Variants in NAGPA observed in about 807,000 individuals in gnomAD.
The protein encoded by NAGPA is alpha-N-acetylglucosaminyl phosphodiesterase.
NAGPA carries 56 observed loss-of-function variants against 48.5 expected under a neutral mutation model. That is an observed-to-expected ratio of 1.15 (90% CI 0.93 to 1.44). The LOEUF (loss-of-function observed/expected upper bound fraction) is 1.44. Ranked by LOEUF, NAGPA falls within the 40% of genes most tolerant of loss-of-function variation. The probability of loss-of-function intolerance (pLI) is 0.00; values close to 1 mark genes in which losing one functional copy is unlikely to be tolerated. For missense variants in NAGPA, 888 were observed against 735.0 expected, an observed-to-expected ratio of 1.21 and a Z score of -2.41; for synonymous variants, 399 against 315.5, an observed-to-expected ratio of 1.26 and a Z score of -2.81.
chr16:5,028,429 G>C (rs899991944), intron 5 of NAGPA: 64 of 795,332 alleles, frequency 8.0e-5, no homozygotes, highest in Non-Finnish European at 1.3e-4. Flanking sequence ...CATAAAGACA[G>C]GGTCTATGTT....
rs763301963 is a variant in NAGPA, at chr16:5,033,926, G to A, written c.-12C>T. ...GTGGAGGTCGCCATATTGGACCGGG[G>A]CCTCGGGTCATGTGGGCTCGCCTCA... On this transcript the variant is annotated 5_prime_UTR_variant, in exon 1 of 10. Transcript: ENST00000312251. This position sits in a 1 kb window ranked among gnomAD's most constrained non-coding sequence, Gnocchi z 4.2. 3.2e-6 allele frequency: 5 copies of A among 1,548,660 alleles called. No homozygotes were observed. The highest frequency in any genetic ancestry group is 4.4e-6 in the Non-Finnish European group (5 of 1,146,772).
At chr16:5,027,918 C>CA in intron 6 of NAGPA, 25 bp from the exon 7 acceptor site, 2 of 1,611,106 alleles carry the variant, frequency 1.2e-6, no homozygotes, top group Non-Finnish European at 1.7e-6. Context: ...CCGGGGAGGC[C>CA]AGGTGAGGGC....
chr16:5,028,677 T>C, intron 5 of NAGPA: 1 of 743,308 alleles, frequency 1.3e-6, no homozygotes, highest in South Asian at 1.6e-5. Context: ...TATTCTGTCA[T>C]CCTCAGGGAG....
rs779242474 is a variant in NAGPA at position 5,033,568 on chromosome 16, A to T, written c.247T>A (p.Ser83Thr). The change falls in exon 2 of 10, where the codon TCG becomes ACG. Residue 83 changes from serine to threonine, a missense_variant. Coordinates refer to ENST00000312251, the MANE Select transcript of NAGPA (RefSeq NM_016256.4). This position sits in a 1 kb window ranked among gnomAD's most constrained non-coding sequence, Gnocchi z 4.2. ...AGGLAVRTFV[S>T]HFRDRAVAGH... The stretch of plus-strand genomic sequence containing the variant: ...GCCACCGCGCGGTCCCTGAAGTGCG[A>T]CACGAAGGTGCGCACGGCCAGACCG... The T allele has an allele frequency of 1.9e-5, 29 of 1,501,018 alleles. No individual in the cohort carries two copies. The highest frequency in any genetic ancestry group is 2.6e-5 in the Non-Finnish European group (29 of 1,134,616). 93.0% of individuals were successfully genotyped at this position (1,501,018 alleles called of 1,614,324 possible). A position where few individuals can be genotyped will look rare whatever the true frequency, so the allele number is the denominator to read the frequency against.
chr16:5,030,447 AATGGCCGTCCTGGCTGAT>A lies in NAGPA; in HGVS notation c.711_728del (p.Ser238_Ile243del). ...CCAGCTGCCCTTTCCGGTCGTGGCC[AATGGCCGTCCTGGCTGAT>A]ATCACATTCACAAATTTGCTAAAGG... is the stretch of plus-strand genomic sequence containing the variant. On this transcript the variant is annotated inframe_deletion, in exon 4 of 10. Transcript: ENST00000312251. 1 of 1,554,834 alleles carries A rather than the reference AATGGCCGTCCTGGCTGAT, an allele frequency of 6.4e-7. No homozygotes were observed.
chr16:5,028,597 A>T, intron 5 of NAGPA: 1 of 552,898 alleles, frequency 1.8e-6, no homozygotes. Context: ...GGCCTTTCAC[A>T]TGTGGTGCCC....
Position 5,025,427 on chromosome 16 carries a change from A to G in NAGPA, c.*51T>C. 1.2e-6 allele frequency: 2 copies of G among 1,601,136 alleles called. No individual in the cohort carries two copies. Among genetic ancestry groups the G allele is most frequent in the Non-Finnish European group, 1.7e-6 (2 of 1,172,234 alleles). ...TTGAAATTTCCCCTGCAGAAGCCAG[A>G]CCGTGGGGAAACAAGCTTTCGCGAC... On this transcript the variant is annotated 3_prime_UTR_variant, in exon 10 of 10. Transcript: ENST00000312251.
Position 5,028,105 on chromosome 16 carries a change from C to A in NAGPA, c.1001G>T (p.Cys334Phe), listed in dbSNP as rs1310199656. The change falls in exon 6 of 10, where the codon TGC (cysteine) becomes TTC (phenylalanine). Residue 334 changes from cysteine to phenylalanine, a missense_variant. Coordinates refer to ENST00000312251, the MANE Select transcript of NAGPA (RefSeq NM_016256.4). The part of the protein sequence containing the change: ...VHEPRCQPPD[C>F]HGHGTCVDGH... Reference sequence around the variant, plus strand: ...GTCCACGCAGGTCCCGTGGCCGTGGCAGTCAGGCGGCTGGCAGCGGGGTTC... The same window carrying A: ...GTCCACGCAGGTCCCGTGGCCGTGGAAGTCAGGCGGCTGGCAGCGGGGTTC... The A allele has an allele frequency of 1.2e-6, 2 of 1,611,726 alleles. No individual in the cohort carries two copies. Among genetic ancestry groups the A allele is most frequent in the Middle Eastern group, 1.7e-4 (1 of 6,056 alleles).
chr16:5,029,001 G>A lies in NAGPA; in HGVS notation c.799C>T (p.Leu267=), dbSNP rs750355354. ...DGQTEQRGIN[L]WEMAEFLLKQ... ...AGCAGGAACTCCGCCATTTCCCACA[G>A]GTTGATGCTGCGGCACAAAGCGGCG... The change falls in exon 5 of 10, where the codon CTG becomes TTG. Residue 267 remains leucine, a synonymous_variant. Coordinates refer to ENST00000312251, the MANE Select transcript of NAGPA (RefSeq NM_016256.4). 46 of 1,613,238 alleles carry A rather than the reference G, an allele frequency of 2.9e-5. 1 individual carries two copies. Among genetic ancestry groups the A allele is most frequent in the African/African-American group, 2.4e-4 (18 of 74,952 alleles).
chr16:5,032,169 T>A (rs1019294900), intron 2 of NAGPA, among the ~76,000 whole-genome samples: 2 of 152,106 alleles, frequency 1.3e-5, no homozygotes, highest in East Asian at 3.9e-4. Flanking sequence ...CAAATCCATC[T>A]ATGGCCCTCA....
At chr16:5,032,977 T>C (rs925601512) in intron 2 of NAGPA, 11 of 535,044 alleles carry the variant, frequency 2.1e-5, no homozygotes, top group Non-Finnish European at 3.7e-5. Context: ...TCAGAATGTA[T>C]GTTAGCTATT....
In NAGPA at chr16:5,031,753, T is replaced by A; in HGVS notation, c.674A>T (p.Gln225Leu). 4 of 1,614,160 alleles carry A rather than the reference T, an allele frequency of 2.5e-6. No individual in the cohort carries two copies. The highest frequency in any genetic ancestry group is 3.4e-6 in the Non-Finnish European group (4 of 1,180,018). Residue 225 changes from glutamine to leucine, a missense_variant, in exon 3 of 10, where the codon CAG (glutamine) becomes CTG (leucine). Coordinates refer to ENST00000312251, the MANE Select transcript of NAGPA (RefSeq NM_016256.4). ...CAGCCTCCCCATCCAACCTGTCTCC[T>A]GTGTCTCGTCACACTCTGTGGCTTG... is the stretch of plus-strand genomic sequence containing the variant. Reference protein sequence around the residue: ...ESQATECDETQETGSFSKFVN... With the variant: ...ESQATECDETLETGSFSKFVN...
chr16:5,027,435 T>C, intron 7 of NAGPA, 56 bp from the exon 8 acceptor site: 4 of 1,565,584 alleles, frequency 2.6e-6, no homozygotes, highest in Non-Finnish European at 2.6e-6. Flanking sequence ...GGGCCTCCAG[T>C]GTCAGAGCCT....
rs1567141587 is a variant in NAGPA, at chr16:5,031,753, T to C, written c.674A>G (p.Gln225Arg). ...CAGCCTCCCCATCCAACCTGTCTCC[T>C]GTGTCTCGTCACACTCTGTGGCTTG... ...ESQATECDET[Q>R]ETGSFSKFVN... is the part of the protein sequence containing the mutation. The change falls in exon 3 of 10, where the codon CAG (glutamine) becomes CGG (arginine). Residue 225 changes from glutamine (Q) to arginine (R), a missense_variant. Gln to Arg is a conservative substitution (Grantham distance 43). Transcript: ENST00000312251. 1.2e-6 allele frequency: 2 copies of C among 1,614,160 alleles called. No homozygotes were observed. Among genetic ancestry groups the C allele is most frequent in the Non-Finnish European group, 8.5e-7 (1 of 1,180,018 alleles).
At chr16:5,028,734 G>T in intron 5 of NAGPA, 146 bp downstream of exon 5, 2 of 1,274,796 alleles carry the variant, frequency 1.6e-6, no homozygotes, top group Non-Finnish European at 2.3e-6. Context: ...GGTAGTACTG[G>T]CATCCTGGGG....
rs1054520738 is a variant in NAGPA, at chr16:5,033,910, G to T, written c.5C>A (p.Ala2Glu). 3 of 1,549,156 alleles carry T rather than the reference G, an allele frequency of 1.9e-6. No homozygotes were observed. Among genetic ancestry groups the T allele is most frequent in the Admixed American group, 2.0e-5 (1 of 50,992 alleles). ...GAGAAGCCAGCGACCCGTGGAGGTCGCCATATTGGACCGGGGCCTCGGGTC... is the reference window on the plus strand; with the variant it reads ...GAGAAGCCAGCGACCCGTGGAGGTCTCCATATTGGACCGGGGCCTCGGGTC... M[A>E]TSTGRWLLLR... is the part of the protein sequence containing the mutation. The change falls in exon 1 of 10, where the codon GCG becomes GAG. Residue 2 changes from alanine (A) to glutamate (E), a missense_variant. Physicochemically the swap from Ala to Glu is moderately radical, Grantham distance 107. Coordinates refer to ENST00000312251, the MANE Select transcript of NAGPA (RefSeq NM_016256.4). The surrounding 1 kb of genome is among the most constrained non-coding windows in gnomAD (Gnocchi z 4.2).
At chr16:5,030,846 T>G (rs1258640978) in intron 3 of NAGPA, among the ~76,000 whole-genome samples, 1 of 152,116 alleles carries the variant, frequency 6.6e-6, no homozygotes, top group South Asian at 2.1e-4. Flanking sequence ...GCACTTCCTG[T>G]TCCCTCTGGC....
At position 5,033,709 on chromosome 16, in the gene NAGPA, AGTC is replaced by A. The variant is rs1187355938; in HGVS notation, c.103_105del (p.Asp35del). On this transcript the variant is annotated inframe_deletion, in exon 2 of 10. Coordinates refer to ENST00000312251, the MANE Select transcript of NAGPA (RefSeq NM_016256.4). The surrounding 1 kb of genome is among the most constrained non-coding windows in gnomAD (Gnocchi z 4.2). ...CGCGCGCGTGGATAGGGCAGTAGCA[AGTC>A]GTCGTCGCGGGAGGCCCTGCGGGGA... The A allele has an allele frequency of 1.2e-6, 2 of 1,603,298 alleles. No individual in the cohort carries two copies. Among genetic ancestry groups the A allele is most frequent in the Admixed American group, 1.7e-5 (1 of 59,648 alleles).
intron 2 of NAGPA, 140 bp from the exon 3 acceptor site, chr16:5,032,024 G>T: frequency 8.9e-7 from 1 of 1,126,422 alleles, no homozygotes. Flanking sequence ...GAGTGTAGCT[G>T]GGACAACTTA....
Sources: allele counts gnomAD v4.1 joint callset (sites outside exome capture counted in the v4.1 genomes callset), GRCh38; gene constraint gnomAD v4.1.1; non-coding constraint Gnocchi (gnomAD v3.1); transcripts MANE v1.5; gene names NCBI Gene and HGNC (gene_info 2026-07-23, HGNC 2026-07-21).